Variants in KLF8 observed in about 807,000 individuals in gnomAD.
KLF8 encodes the protein Krueppel-like factor 8.
A neutral mutation model predicts 18.2 loss-of-function variants in KLF8; 10 were observed. That is an observed-to-expected ratio of 0.55 (90% CI 0.34 to 0.93). The LOEUF (loss-of-function observed/expected upper bound fraction) is 0.93, where lower values mean the gene tolerates loss of function less well. Ranked by LOEUF, KLF8 falls within the 40% of genes least tolerant of loss-of-function variation. The pLI is 0.02. For missense variants in KLF8, 264 were observed against 277.9 expected (o/e 0.95, Z 0.36); for synonymous variants, 109 against 97.3 (o/e 1.12, Z -0.71).
the KLF8 span, among the ~76,000 whole-genome samples, chrX:56,189,052 G>A: frequency 3.6e-5 from 4 of 111,612 alleles, no homozygotes; most frequent in South Asian, 1.5e-3. Flanking sequence ...CTTCTGCACA[G>A]CAAAAGAAAC....
the KLF8 span, among the ~76,000 whole-genome samples, chrX:55,917,415 A>G: frequency 8.9e-6 from 1 of 112,302 alleles, no homozygotes; most frequent in African/African-American, 3.2e-5. Flanking sequence ...GGCAGTATTT[A>G]TCACAAATAG....
chrX:56,219,215 G>C, the KLF8 span, among the ~76,000 whole-genome samples: 5 of 112,215 alleles, frequency 4.5e-5, no homozygotes, highest in Non-Finnish European at 9.4e-5. Context: ...TGGCAATAAA[G>C]GCGAAGTTTA....
intron 3 of KLF8, chrX:56,269,000 A>C: frequency 1.2e-6 from 1 of 863,822 alleles, no homozygotes. Flanking sequence ...CAGTGAGTTC[A>C]ATTCAACACA....
the KLF8 span, among the ~76,000 whole-genome samples, chrX:55,978,667 A>T: frequency 1.8e-5 from 2 of 111,518 alleles, no homozygotes; most frequent in African/African-American, 3.3e-5. Flanking sequence ...TTTTAAAGGA[A>T]ACTTAGATGC....
the KLF8 span, among the ~76,000 whole-genome samples, chrX:56,083,548 T>C: frequency 4.5e-5 from 5 of 112,156 alleles, no homozygotes; most frequent in South Asian, 3.7e-4. Flanking sequence ...CAGTGCTCAC[T>C]AAAAGAAACG....
At chrX:56,228,013 G>A (rs1052561717), upstream of KLF8, among the ~76,000 whole-genome samples, 3 of 111,021 alleles carry the variant, frequency 2.7e-5, no homozygotes, top group African/African-American at 9.8e-5. Flanking sequence ...GGGATGGTGC[G>A]GTGCCAGAAT....
chrX:56,182,578 G>T, the KLF8 span, among the ~76,000 whole-genome samples: 1 of 112,397 alleles, frequency 8.9e-6, no homozygotes, highest in Admixed American at 9.4e-5. Context: ...TTTCTGTTCT[G>T]TTTTCTCCCC....
At chrX:55,999,044 C>T in the KLF8 span, among the ~76,000 whole-genome samples, 18 of 109,311 alleles carry the variant, frequency 1.6e-4, no homozygotes, top group South Asian at 5.5e-3. Flanking sequence ...GATCCAGTTT[C>T]GTACTTTGGC....
chrX:56,124,628 A>G, the KLF8 span, among the ~76,000 whole-genome samples: 2 of 111,751 alleles, frequency 1.8e-5, no homozygotes, highest in African/African-American at 6.5e-5. Context: ...TTCTGGGAGA[A>G]TTTCCAGTCT....
chrX:56,007,194 G>A, the KLF8 span, among the ~76,000 whole-genome samples: 10 of 111,846 alleles, frequency 8.9e-5, no homozygotes, highest in Non-Finnish European at 1.5e-4. Flanking sequence ...TCCAGCCAGT[G>A]TCATAATGTT....
At chrX:56,052,193 A>T in the KLF8 span, among the ~76,000 whole-genome samples, 6 of 110,525 alleles carry the variant, frequency 5.4e-5, no homozygotes, top group Non-Finnish European at 7.6e-5. Flanking sequence ...AAAGTTTTCA[A>T]CTTCTTTGCC....
the KLF8 span, among the ~76,000 whole-genome samples, chrX:56,055,781 T>C: frequency 8.9e-6 from 1 of 111,796 alleles, no homozygotes; most frequent in Non-Finnish European, 1.9e-5. Flanking sequence ...TTTTTCTCTC[T>C]TCTTGTCTGG....
At chrX:56,043,258 T>C in the KLF8 span, among the ~76,000 whole-genome samples, 5 of 110,372 alleles carry the variant, frequency 4.5e-5, no homozygotes, top group Non-Finnish European at 7.6e-5. Context: ...TTTTTTTTCA[T>C]TATGACCTTG....
the KLF8 span, among the ~76,000 whole-genome samples, chrX:56,098,716 C>T: frequency 5.4e-5 from 6 of 111,082 alleles, no homozygotes; most frequent in African/African-American, 2.0e-4. Context: ...ATCAACATAG[C>T]ATTGGAAGTC....
At chrX:55,957,637 A>G in the KLF8 span, among the ~76,000 whole-genome samples, 93 of 111,510 alleles carry the variant, frequency 8.3e-4, 1 homozygote, top group Non-Finnish European at 1.5e-3. Context: ...TAAGTATTTT[A>G]TTATTGTTGA....
chrX:56,041,814 C>T, the KLF8 span, among the ~76,000 whole-genome samples: 3 of 111,224 alleles, frequency 2.7e-5, no homozygotes, highest in African/African-American at 9.8e-5. Flanking sequence ...CTCAGCCTCC[C>T]GAATAGCTGG....
At chrX:56,168,362 G>A in the KLF8 span, among the ~76,000 whole-genome samples, 5 of 111,997 alleles carry the variant, frequency 4.5e-5, no homozygotes, top group African/African-American at 6.5e-5. Context: ...AAATATCTGT[G>A]CACTGAAAAC....
At chrX:56,279,875 G>C (rs1475251146) in intron 5 of KLF8, among the ~76,000 whole-genome samples, 1 of 111,920 alleles carries the variant, frequency 8.9e-6, no homozygotes, top group Admixed American at 9.4e-5. Flanking sequence ...ACCTAACCTA[G>C]GTATACTTTT....
chrX:56,290,698 T>G lies in KLF8; in HGVS notation c.*6204T>G, dbSNP rs2067313759. On this transcript the variant is annotated 3_prime_UTR_variant, in exon 6 of 6. Transcript: ENST00000468660. ...GCTTTGGCCAGTTCAGTTTCACCAC[T>G]TATATTTTCTCTTTCCCAACTTACT... 2.7e-5 allele frequency among the ~76,000 whole-genome samples: 3 copies of G among 110,987 alleles called. No homozygotes were observed. Among genetic ancestry groups the G allele is most frequent in the Admixed American group, 9.6e-5 (1 of 10,371 alleles).
Sources: allele counts gnomAD v4.1 joint callset (sites outside exome capture counted in the v4.1 genomes callset), GRCh38; gene constraint gnomAD v4.1.1; transcripts MANE v1.5; gene names NCBI Gene and HGNC (gene_info 2026-07-23, HGNC 2026-07-21).